CNIH3: variants seen among roughly 807,000 people sequenced by gnomAD.
CNIH3 encodes the protein protein cornichon homolog 3.
Under a neutral mutation model 24.1 loss-of-function variants are expected in CNIH3, and 14 were observed. The ratio of observed to expected loss-of-function variants is 0.58; its 90% confidence interval spans 0.38 to 0.91. The LOEUF is 0.91. CNIH3 is among the 40% of genes least tolerant of loss of function. The pLI is 0.00. For missense variants in CNIH3, 178 were observed against 196.8 expected, an observed-to-expected ratio of 0.90 and a Z score of 0.57; for synonymous variants, 68 against 73.8, an observed-to-expected ratio of 0.92 and a Z score of 0.40.
At chr1:224,444,466 C>T (rs1259828860) in intron 1 of CNIH3, among the ~76,000 whole-genome samples, 1 of 152,060 alleles carries the variant, frequency 6.6e-6, no homozygotes, top group East Asian at 1.9e-4. Flanking sequence ...TCAAGTGATT[C>T]TCCTGCCTCA....
At chr1:224,686,411 G>C (rs1686664249) in intron 3 of CNIH3, among the ~76,000 whole-genome samples, 1 of 152,066 alleles carries the variant, frequency 6.6e-6, no homozygotes, top group Non-Finnish European at 1.5e-5. Flanking sequence ...TATCATTTAT[G>C]GGCATTTGGG....
intron 1 of CNIH3, among the ~76,000 whole-genome samples, chr1:224,505,607 A>G (rs969259466): frequency 2.6e-5 from 4 of 152,216 alleles, no homozygotes; most frequent in Non-Finnish European, 5.9e-5. Flanking sequence ...TTTTACCCAC[A>G]AGAAAACTAG....
At chr1:224,507,181 G>A (rs978081476) in intron 1 of CNIH3, among the ~76,000 whole-genome samples, 2 of 152,200 alleles carry the variant, frequency 1.3e-5, no homozygotes, top group East Asian at 1.9e-4. Flanking sequence ...TCTTATAAAC[G>A]TATCAACATG....
intron 5 of CNIH3, among the ~76,000 whole-genome samples, chr1:224,586,617 G>A (rs1160931251): frequency 1.3e-5 from 2 of 152,212 alleles, no homozygotes; most frequent in African/African-American, 4.8e-5. Flanking sequence ...GTCTCAGCAT[G>A]ATGTGTATAG....
At chr1:224,720,628 G>T (rs1364699169) in intron 3 of CNIH3, among the ~76,000 whole-genome samples, 1 of 152,154 alleles carries the variant, frequency 6.6e-6, no homozygotes, top group Non-Finnish European at 1.5e-5. Flanking sequence ...GGCTGATGTC[G>T]AGGCTCATTA....
At chr1:224,520,166 A>G (rs2124912331) in intron 1 of CNIH3, among the ~76,000 whole-genome samples, 1 of 152,338 alleles carries the variant, frequency 6.6e-6, no homozygotes, top group South Asian at 2.1e-4. Flanking sequence ...CTTGGAAATG[A>G]AGGAAACAAT....
intron 3 of CNIH3, among the ~76,000 whole-genome samples, chr1:224,558,926 T>C (rs1454542064): frequency 6.6e-6 from 1 of 152,232 alleles, no homozygotes; most frequent in African/African-American, 2.4e-5. Flanking sequence ...AAATAATTAA[T>C]AAATGTTAAC....
At chr1:224,443,662 T>TATAGATAGATAG (rs5781369) in intron 1 of CNIH3, among the ~76,000 whole-genome samples, 3 of 148,892 alleles carry the variant, frequency 2.0e-5, no homozygotes, top group African/African-American at 7.5e-5. Context: ...CAATTATATA[T>TATAGATAGATAG]ATAGATAGAT....
In CNIH3 at chr1:224,617,062, G is replaced by T; in HGVS notation, c.-113G>T. On this transcript the variant is annotated 5_prime_UTR_variant, in exon 1 of 6. It removes the in-frame stop codon of an upstream open reading frame in the 5' UTR. Transcript: ENST00000272133. ...TAGCTGTGCGCCCTCCTGGGCACTA[G>T]CCTGGAGAGGAGCGTGCAGACGCGG... 1.1e-5 allele frequency: 17 copies of T among 1,518,144 alleles called. No homozygotes were observed. The South Asian group carries it at 2.3e-4, about 20-fold the overall frequency. 94.0% of individuals were successfully genotyped at this position (1,518,144 alleles called of 1,614,324 possible).
At chr1:224,457,626 C>A (rs374486560) in intron 1 of CNIH3, among the ~76,000 whole-genome samples, 2 of 151,402 alleles carry the variant, frequency 1.3e-5, no homozygotes, top group East Asian at 3.9e-4. Flanking sequence ...AGGAATCTCG[C>A]GGTCTCATTT....
chr1:224,589,861 T>C (rs1681675543), downstream of CNIH3, among the ~76,000 whole-genome samples: 1 of 151,964 alleles, frequency 6.6e-6, no homozygotes, highest in Non-Finnish European at 1.5e-5. Flanking sequence ...GTTTGAGAGT[T>C]ACCAGTTCAT....
intron 3 of CNIH3, among the ~76,000 whole-genome samples, chr1:224,594,150 A>C (rs1681877625): frequency 6.6e-6 from 1 of 152,224 alleles, no homozygotes; most frequent in Non-Finnish European, 1.5e-5. Flanking sequence ...ATTTTATGTT[A>C]TATTTATTTT....
intron 4 of CNIH3, chr1:224,574,796 A>G: frequency 2.0e-6 from 2 of 1,002,430 alleles, no homozygotes; most frequent in Admixed American, 1.7e-5. Context: ...CTGGGAAGGA[A>G]TTTTTCCCAT....
intron 3 of CNIH3, chr1:224,730,207 A>C: frequency 1.1e-5 from 4 of 365,074 alleles, no homozygotes; most frequent in Middle Eastern, 7.8e-4. Context: ...CAAGCGTGGT[A>C]TTCTGTTAAT....
chr1:224,614,755 T>C (rs1022583761), upstream of CNIH3, among the ~76,000 whole-genome samples: 2 of 151,970 alleles, frequency 1.3e-5, no homozygotes, highest in African/African-American at 4.8e-5. Flanking sequence ...GAGACCATCT[T>C]GGCCAACATG....
At chr1:224,571,597 C>A (rs1002116897) in intron 4 of CNIH3, among the ~76,000 whole-genome samples, 1 of 151,966 alleles carries the variant, frequency 6.6e-6, no homozygotes, top group Non-Finnish European at 1.5e-5. Flanking sequence ...TGGTGCTGGG[C>A]GCCTGTAATC....
upstream of CNIH3, among the ~76,000 whole-genome samples, chr1:224,614,933 C>T (rs971994150): frequency 2.2e-4 from 28 of 126,716 alleles, no homozygotes; most frequent in African/African-American, 6.6e-4. Flanking sequence ...AGTGAGACTC[C>T]GTCAAATAAA....
At chr1:224,448,857 G>A (rs1675269043) in intron 1 of CNIH3, among the ~76,000 whole-genome samples, 1 of 152,026 alleles carries the variant, frequency 6.6e-6, no homozygotes, top group Non-Finnish European at 1.5e-5. Context: ...CTCACAGGCA[G>A]AGTGAATTTA....
intron 3 of CNIH3, among the ~76,000 whole-genome samples, chr1:224,557,392 A>G (rs1558157590): frequency 6.6e-6 from 1 of 152,078 alleles, no homozygotes; most frequent in Non-Finnish European, 1.5e-5. Context: ...GCTTTCTTCA[A>G]AGAAAACCCC....
Sources: allele counts gnomAD v4.1 joint callset (sites outside exome capture counted in the v4.1 genomes callset), GRCh38; gene constraint gnomAD v4.1.1; transcripts MANE v1.5; gene names NCBI Gene and HGNC (gene_info 2026-07-23, HGNC 2026-07-21).